LMTK2: variants seen among roughly 807,000 people sequenced by gnomAD.
The protein encoded by LMTK2 is serine/threonine-protein kinase LMTK2.
LMTK2 carries 37 observed loss-of-function variants against 127.5 expected under a neutral mutation model. The ratio of observed to expected loss-of-function variants is 0.29; its 90% confidence interval spans 0.22 to 0.38. LMTK2 has a LOEUF of 0.38. Among genes scored for constraint, LMTK2 ranks in the 10% least tolerant of loss-of-function variants. The pLI is 1.00. For synonymous variants in LMTK2, 819 were observed against 810.1 expected (o/e 1.01, Z -0.19); for missense variants, 1,694 against 1,920.3 (o/e 0.88, Z 2.20).
At chr7:98,157,221 T>C (rs964159147) in intron 5 of LMTK2, among the ~76,000 whole-genome samples, 3 of 151,140 alleles carry the variant, frequency 2.0e-5, no homozygotes, top group Admixed American at 6.6e-5. Context: ...CACCGTACTC[T>C]AGCTTGGATG....
chr7:98,145,805 G>A (rs149231097), intron 3 of LMTK2, among the ~76,000 whole-genome samples: 1,608 of 152,094 alleles, frequency 0.011, 9 homozygotes, highest in Middle Eastern at 0.027. Context: ...AAACTTTTCC[G>A]TTTTAATTTT....
chr7:98,188,963 A>G (rs981554849), intron 9 of LMTK2, among the ~76,000 whole-genome samples: 2 of 152,070 alleles, frequency 1.3e-5, no homozygotes, highest in African/African-American at 4.8e-5. Flanking sequence ...TTTGCACTGT[A>G]GTCTCCCATA....
chr7:98,151,237 G>T, intron 3 of LMTK2, 145 bp from the exon 4 acceptor site: 1 of 517,078 alleles, frequency 1.9e-6, no homozygotes, highest in Non-Finnish European at 3.3e-6. Context: ...AAACTGTTTT[G>T]GCATGATTCG....
At chr7:98,166,167 C>G (rs1197460398) in intron 6 of LMTK2, among the ~76,000 whole-genome samples, 7 of 152,250 alleles carry the variant, frequency 4.6e-5, no homozygotes, top group Admixed American at 4.6e-4. Context: ...CCTGCATTTC[C>G]TCCATCAGCA....
chr7:98,183,215 C>G (rs2116445808), intron 7 of LMTK2, among the ~76,000 whole-genome samples: 1 of 152,264 alleles, frequency 6.6e-6, no homozygotes, highest in East Asian at 1.9e-4. Context: ...GGTCTTTTCT[C>G]TGATCCTGGA....
At chr7:98,114,296 A>G (rs1039546160) in intron 1 of LMTK2, among the ~76,000 whole-genome samples, 2 of 147,484 alleles carry the variant, frequency 1.4e-5, no homozygotes, top group African/African-American at 5.0e-5. Context: ...GCTGGAATGC[A>G]GTGGTGCAGT....
chr7:98,195,110 T>C (rs1412730273), intron 11 of LMTK2, among the ~76,000 whole-genome samples: 3 of 152,228 alleles, frequency 2.0e-5, no homozygotes, highest in African/African-American at 7.2e-5. Context: ...CTCAAACTCC[T>C]GGGCTCAAGC....
chr7:98,185,063 G>A lies in LMTK2; in HGVS notation c.804G>A (p.Leu268=). 4 of 1,611,760 alleles carry A rather than the reference G, an allele frequency of 2.5e-6. No individual in the cohort carries two copies. Among genetic ancestry groups the A allele is most frequent in the African/African-American group, 1.3e-5 (1 of 74,884 alleles). Residue 268 remains leucine (L), a synonymous_variant, in exon 8 of 14, where the codon CTG becomes CTA. Coordinates refer to ENST00000297293, the MANE Select transcript of LMTK2 (RefSeq NM_014916.4). ...CCTCTGTTTTCAGTGATTTAGCCCT[G>A]CGGAATTGTTTTCTCACCTCCGACT... is the stretch of plus-strand genomic sequence containing the variant. ...KLHFLHSDLA[L]RNCFLTSDLN... is the part of the protein sequence containing the mutation.
rs762864662 is a variant in LMTK2 at position 98,194,060 on chromosome 7, A to T, written c.3595A>T (p.Ser1199Cys). The T allele has an allele frequency of 4.0e-5, 64 of 1,614,054 alleles. No homozygotes were observed. Among genetic ancestry groups the T allele is most frequent in the Non-Finnish European group, 5.4e-5 (64 of 1,180,054 alleles). Reference protein sequence around the residue: ...QQVHPTEDEASSPWSVLNAEL... With the variant: ...QQVHPTEDEACSPWSVLNAEL... ...GGTGCATCCCACGGAAGACGAGGCC[A>T]GCAGTCCCTGGAGTGTGCTGAATGC... The change falls in exon 11 of 14, where the codon AGC becomes TGC. Residue 1199 changes from serine (S) to cysteine (C), a missense_variant. Physicochemically the swap from Ser to Cys is moderately radical, Grantham distance 112. Transcript: ENST00000297293. The surrounding 1 kb of genome is among the most constrained non-coding windows in gnomAD (Gnocchi z 5.4).
intron 11 of LMTK2, among the ~76,000 whole-genome samples, chr7:98,196,825 G>A (rs891741234): frequency 1.3e-5 from 2 of 152,226 alleles, no homozygotes; most frequent in African/African-American, 4.8e-5. Flanking sequence ...GCTTTGACAA[G>A]GAAGTTAGTG....
In LMTK2 at chr7:98,205,802, C is replaced by T. The variant is rs541812536; in HGVS notation, c.*310C>T. 1.2e-5 allele frequency: 6 copies of T among 485,970 alleles called. No individual in the cohort carries two copies. The highest frequency in any genetic ancestry group is 3.5e-5 in the East Asian group (1 of 28,306). The allele number at this position is 485,970 out of a possible 1,614,324, so 30.1% of individuals were successfully genotyped here. On this transcript the variant is annotated 3_prime_UTR_variant, in exon 14 of 14. Transcript: ENST00000297293. ...CAGGGGCACAGCCTCCATGTGCGCG[C>T]GCGTGTGGAGCTGTGTGCACCGCAT...
At chr7:98,139,809 A>G (rs554330618) in intron 2 of LMTK2, among the ~76,000 whole-genome samples, 4 of 152,314 alleles carry the variant, frequency 2.6e-5, no homozygotes, top group Non-Finnish European at 4.4e-5. Flanking sequence ...GATGGGGGCT[A>G]GGAGAGGTGG....
intron 7 of LMTK2, among the ~76,000 whole-genome samples, chr7:98,177,594 C>T (rs1323717254): frequency 1.3e-5 from 2 of 152,130 alleles, no homozygotes; most frequent in African/African-American, 4.8e-5. Context: ...CCTTGACTTC[C>T]CAGGCTCAAG....
At chr7:98,141,588 G>A (rs1200109218) in intron 3 of LMTK2, 47 bp downstream of exon 3, 1 of 1,569,414 alleles carries the variant, frequency 6.4e-7, no homozygotes, top group African/African-American at 1.4e-5. Context: ...TTGTTTCTGA[G>A]ATCTGAGAAT....
At chr7:98,111,765 A>G (rs1159548629) in intron 1 of LMTK2, among the ~76,000 whole-genome samples, 1 of 152,236 alleles carries the variant, frequency 6.6e-6, no homozygotes, top group Non-Finnish European at 1.5e-5. Flanking sequence ...GCTGCGTAAC[A>G]TGGCATGTCT....
At chr7:98,143,200 A>G (rs1173074978) in intron 3 of LMTK2, among the ~76,000 whole-genome samples, 2 of 152,178 alleles carry the variant, frequency 1.3e-5, no homozygotes, top group African/African-American at 2.4e-5. Context: ...GTACCCTAAT[A>G]TCCCTCTCCG....
At chr7:98,139,362 G>A (rs1247885036) in intron 2 of LMTK2, among the ~76,000 whole-genome samples, 3 of 152,214 alleles carry the variant, frequency 2.0e-5, no homozygotes, top group Non-Finnish European at 2.9e-5. Flanking sequence ...TGATCCTCCC[G>A]CCTCTGCCTC....
chr7:98,209,099 A>G lies in LMTK2; in HGVS notation c.*3607A>G, dbSNP rs942728047. 13 of 152,222 alleles carry G rather than the reference A, an allele frequency of 8.5e-5. No homozygotes were observed. The highest frequency in any genetic ancestry group is 2.9e-4 in the African/African-American group (12 of 41,446). The allele number at this position is 152,222 out of a possible 1,614,324, so 9.4% of individuals were successfully genotyped here. On this transcript the variant is annotated 3_prime_UTR_variant, in exon 14 of 14. Coordinates refer to ENST00000297293, the MANE Select transcript of LMTK2 (RefSeq NM_014916.4). Reference sequence around the variant, plus strand: ...GCTTCTGTTAGAGTGGCTTCAAAACATGAGCCTTATGGGAAGTAGCCTTAA... The same window carrying G: ...GCTTCTGTTAGAGTGGCTTCAAAACGTGAGCCTTATGGGAAGTAGCCTTAA...
rs533507549 is a variant in LMTK2 at position 98,195,839 on chromosome 7, G to A, written c.4107+1267G>A. On this transcript the variant is annotated intron_variant, in intron 11 of 13. Transcript: ENST00000297293. ...TTTTTATGATGTTTCTTTAAAAATC[G>A]TTAAATCACCCGCATTTGAGCTATA... Among the ~76,000 whole-genome samples, 145 of 152,264 alleles carry A rather than the reference G, an allele frequency of 9.5e-4. 2 individuals carry two copies. The highest frequency in any genetic ancestry group is 3.1e-3 in the South Asian group (15 of 4,820).
Sources: allele counts gnomAD v4.1 joint callset (sites outside exome capture counted in the v4.1 genomes callset), GRCh38; gene constraint gnomAD v4.1.1; non-coding constraint Gnocchi (gnomAD v3.1); transcripts MANE v1.5; gene names NCBI Gene and HGNC (gene_info 2026-07-23, HGNC 2026-07-21).